CHST9: variants seen among roughly 807,000 people sequenced by gnomAD.
CHST9 encodes the protein carbohydrate sulfotransferase 9, also known as GalNAc-4-sulfotransferase 2.
A neutral mutation model predicts 44.4 loss-of-function variants in CHST9; 41 were observed. That is an observed-to-expected ratio of 0.92 (90% CI 0.72 to 1.20). The LOEUF (loss-of-function observed/expected upper bound fraction) is 1.20, where lower values mean the gene tolerates loss of function less well. Among genes scored for constraint, CHST9 ranks in the 50% most tolerant of loss-of-function variants. The pLI is 0.00. For synonymous variants in CHST9, 171 were observed against 178.4 expected (o/e 0.96, Z 0.33); for missense variants, 504 against 516.5 (o/e 0.98, Z 0.23).
chr18:27,156,948 G>A (rs1467236749), intron 1 of CHST9, among the ~76,000 whole-genome samples: 1 of 152,016 alleles, frequency 6.6e-6, no homozygotes, highest in East Asian at 1.9e-4. Context: ...TTTTTATGGT[G>A]AGATAATAAA....
intron 2 of CHST9, among the ~76,000 whole-genome samples, chr18:27,081,799 C>T (rs2057963420): frequency 6.6e-6 from 1 of 152,218 alleles, no homozygotes; most frequent in African/African-American, 2.4e-5. Context: ...GCTCAAAGCA[C>T]ACCTTGTGTT....
intron 4 of CHST9, among the ~76,000 whole-genome samples, chr18:26,951,882 T>C (rs1663448774): frequency 6.6e-6 from 1 of 152,164 alleles, no homozygotes; most frequent in South Asian, 2.1e-4. Context: ...CTAGACTAGG[T>C]TGCTGGGAGC....
In CHST9 at chr18:27,139,498, CACAT is replaced by C. The variant is rs984245459; in HGVS notation, c.121+3187_121+3190del. ...GTTATTTGAAACACACACACACACA[CACAT>C]ATATATATATATAAAAAATAAATGT... On this transcript the variant is annotated intron_variant, in intron 2 of 5. Coordinates refer to ENST00000618847, the MANE Select transcript of CHST9 (RefSeq NM_031422.6). Among the ~76,000 whole-genome samples, 32 of 107,734 alleles carry C rather than the reference CACAT, an allele frequency of 3.0e-4. 1 individual carries two copies. Among genetic ancestry groups the C allele is most frequent in the South Asian group, 9.5e-4 (3 of 3,164 alleles). The allele number at this position is 107,734 out of a possible 152,430, so 70.7% of individuals were successfully genotyped here.
chr18:27,052,671 C>T (rs1038367545), intron 2 of CHST9, among the ~76,000 whole-genome samples: 2 of 152,096 alleles, frequency 1.3e-5, no homozygotes, highest in East Asian at 1.9e-4. Flanking sequence ...TAATTATAGT[C>T]CCAGTTTCTC....
At chr18:27,133,809 G>T (rs957507996) in intron 2 of CHST9, among the ~76,000 whole-genome samples, 3 of 152,274 alleles carry the variant, frequency 2.0e-5, no homozygotes, top group Admixed American at 1.3e-4. Flanking sequence ...CATGGAAATG[G>T]CCAAGGAAAC....
Position 27,107,324 on chromosome 18 carries a change from A to G in CHST9, c.121+35365T>C, listed in dbSNP as rs796436590. Among the ~76,000 whole-genome samples, 10 of 152,296 alleles carry G rather than the reference A, an allele frequency of 6.6e-5. 1 individual carries two copies. The highest frequency in any genetic ancestry group is 2.4e-4 in the African/African-American group (10 of 41,562). On this transcript the variant is annotated intron_variant, in intron 2 of 5. Transcript: ENST00000618847. ...TCAGCAGTATCAAAAGTGGACTAGG[A>G]AAGAACAGAGCTGATGAGGGTTCCC...
At chr18:27,064,324 A>G (rs2057758322) in intron 2 of CHST9, among the ~76,000 whole-genome samples, 1 of 151,966 alleles carries the variant, frequency 6.6e-6, no homozygotes, top group South Asian at 2.1e-4. Flanking sequence ...AGCCAGCATG[A>G]TGGGGCCCAG....
At chr18:27,110,011 G>A (rs2058256616) in intron 2 of CHST9, among the ~76,000 whole-genome samples, 1 of 152,138 alleles carries the variant, frequency 6.6e-6, no homozygotes, top group Non-Finnish European at 1.5e-5. Context: ...TTTATTACCA[G>A]GGTGGTCTGG....
intron 4 of CHST9, among the ~76,000 whole-genome samples, chr18:27,006,740 G>A (rs377079670): frequency 6.6e-5 from 10 of 152,012 alleles, no homozygotes; most frequent in Admixed American, 3.3e-4. Flanking sequence ...ATGTTATTTC[G>A]GTTCAACCTG....
At chr18:26,954,775 C>G (rs981534458) in intron 4 of CHST9, among the ~76,000 whole-genome samples, 1 of 152,054 alleles carries the variant, frequency 6.6e-6, no homozygotes, top group African/African-American at 2.4e-5. Flanking sequence ...CACAAACTTG[C>G]AATTATTTTA....
intron 4 of CHST9, among the ~76,000 whole-genome samples, chr18:27,006,106 T>A (rs1301193652): frequency 1.3e-5 from 2 of 152,164 alleles, no homozygotes; most frequent in African/African-American, 4.8e-5. Flanking sequence ...CAGAGCTAGT[T>A]AAAAGGAAAA....
chr18:27,170,400 A>G (rs551331429), intron 1 of CHST9, among the ~76,000 whole-genome samples: 4 of 152,204 alleles, frequency 2.6e-5, no homozygotes, highest in Non-Finnish European at 2.9e-5. Flanking sequence ...GAATTGTGTC[A>G]TGAATGTGAA....
chr18:26,922,330 C>T (rs986660619), intron 5 of CHST9, among the ~76,000 whole-genome samples: 4 of 152,170 alleles, frequency 2.6e-5, no homozygotes, highest in Non-Finnish European at 5.9e-5. Flanking sequence ...AGTGATTCTA[C>T]TCCCTTTGAA....
chr18:26,927,946 G>A (rs1376371129), intron 5 of CHST9, among the ~76,000 whole-genome samples: 3 of 152,004 alleles, frequency 2.0e-5, no homozygotes, highest in African/African-American at 2.4e-5. Context: ...GCCGCCTTCC[G>A]TGGTGTTTTA....
At chr18:27,100,528 G>T (rs1458702682) in intron 2 of CHST9, among the ~76,000 whole-genome samples, 1 of 152,192 alleles carries the variant, frequency 6.6e-6, no homozygotes, top group East Asian at 1.9e-4. Context: ...TTAGGGAAAG[G>T]GGGGCACTGA....
At chr18:27,019,907 G>A (rs2057203263) in intron 4 of CHST9, among the ~76,000 whole-genome samples, 1 of 152,108 alleles carries the variant, frequency 6.6e-6, no homozygotes, top group South Asian at 2.1e-4. Flanking sequence ...ACCCAGAAAT[G>A]GGAGACATGT....
chr18:27,162,568 A>T (rs2058756127), intron 1 of CHST9, among the ~76,000 whole-genome samples: 1 of 152,002 alleles, frequency 6.6e-6, no homozygotes, highest in Admixed American at 6.6e-5. Flanking sequence ...AACTTTGGTG[A>T]ATCTGACAAT....
At chr18:27,167,743 C>T (rs1268384946) in intron 1 of CHST9, among the ~76,000 whole-genome samples, 1 of 152,122 alleles carries the variant, frequency 6.6e-6, no homozygotes, top group African/African-American at 2.4e-5. Context: ...CCTCTTTGGA[C>T]ATTTTGGTCA....
chr18:27,127,773 C>T (rs2058437304), intron 2 of CHST9, among the ~76,000 whole-genome samples: 3 of 152,036 alleles, frequency 2.0e-5, no homozygotes, highest in South Asian at 4.1e-4. Context: ...GGCAGAAGCC[C>T]TTGGGAGCCA....
Sources: gnomAD v4.1 joint callset for allele counts (sites outside exome capture counted in the v4.1 genomes callset) on GRCh38, gnomAD v4.1.1 for gene constraint, MANE v1.5 for transcripts, NCBI Gene and HGNC (gene_info 2026-07-23, HGNC 2026-07-21) for gene names.